Variants in GALNTL6 observed in about 807,000 individuals in gnomAD.
The protein encoded by GALNTL6 is polypeptide N-acetylgalactosaminyltransferase-like 6.
GALNTL6 carries 46 observed loss-of-function variants against 73.7 expected under a neutral mutation model. That is an observed-to-expected ratio of 0.62 (90% CI 0.49 to 0.80). GALNTL6 has a LOEUF of 0.80. GALNTL6 is among the 30% of genes least tolerant of loss of function. GALNTL6 has a pLI of 0.00. For missense variants in GALNTL6, 604 were observed against 755.0 expected, an observed-to-expected ratio of 0.80 and a Z score of 2.34; for synonymous variants, 259 against 263.7, an observed-to-expected ratio of 0.98 and a Z score of 0.17.
intron 4 of GALNTL6, among the ~76,000 whole-genome samples, chr4:172,342,246 T>A (rs1300821269): frequency 6.6e-6 from 1 of 151,868 alleles, no homozygotes; most frequent in African/African-American, 2.4e-5. Flanking sequence ...TAAAATATTA[T>A]AGTATTTATA....
At position 172,080,815 on chromosome 4, in the gene GALNTL6, T is replaced by C. The variant is rs535553679; in HGVS notation, c.139-148841T>C. ...CCAATAAAATATAGTATATAAATTG[T>C]GGTATATAAATTTATATTTAATTTT... On this transcript the variant is annotated intron_variant, in intron 2 of 12. Coordinates refer to ENST00000506823, the MANE Select transcript of GALNTL6 (RefSeq NM_001034845.3). Among the ~76,000 whole-genome samples, 7 of 151,612 alleles carry C rather than the reference T, an allele frequency of 4.6e-5. No individual in the cohort carries two copies. In the East Asian group the frequency reaches 1.4e-3, roughly 29 times the overall value.
chr4:171,904,807 T>C (rs1053819831), intron 2 of GALNTL6, among the ~76,000 whole-genome samples: 5 of 152,138 alleles, frequency 3.3e-5, no homozygotes, highest in Non-Finnish European at 5.9e-5. Context: ...CAGCAGAAAC[T>C]CTACATGCCA....
chr4:172,057,851 A>G (rs1394860), intron 2 of GALNTL6, among the ~76,000 whole-genome samples: 118,693 of 149,638 alleles, frequency 0.79, 47,565 homozygotes, highest in South Asian at 0.86. Flanking sequence ...CCATTGATTA[A>G]TGTGGTGTTT....
intron 5 of GALNTL6, among the ~76,000 whole-genome samples, chr4:172,421,333 A>G (rs1478905574): frequency 6.6e-6 from 1 of 152,146 alleles, no homozygotes; most frequent in Non-Finnish European, 1.5e-5. Context: ...AATATAAAGT[A>G]GGATAGTTCC....
intron 2 of GALNTL6, among the ~76,000 whole-genome samples, chr4:172,079,562 C>A (rs1339593436): frequency 6.6e-6 from 1 of 152,020 alleles, no homozygotes; most frequent in Non-Finnish European, 1.5e-5. Flanking sequence ...TACACTCTTA[C>A]CACAATTTTG....
At chr4:172,775,165 G>C (rs1445213777) in intron 5 of GALNTL6, among the ~76,000 whole-genome samples, 1 of 151,970 alleles carries the variant, frequency 6.6e-6, no homozygotes, top group East Asian at 1.9e-4. Context: ...AATTCAGCAA[G>C]TATAGTTGTA....
At chr4:172,615,582 G>C (rs1406293746) in intron 5 of GALNTL6, among the ~76,000 whole-genome samples, 1 of 152,064 alleles carries the variant, frequency 6.6e-6, no homozygotes, top group Non-Finnish European at 1.5e-5. Context: ...TGAAAGCAAT[G>C]AGCTTCATTC....
At chr4:172,527,661 T>A (rs1735008977) in intron 5 of GALNTL6, among the ~76,000 whole-genome samples, 1 of 152,212 alleles carries the variant, frequency 6.6e-6, no homozygotes, top group Non-Finnish European at 1.5e-5. Context: ...CCTATTGCAG[T>A]GCTTTAGTCT....
chr4:171,846,557 A>G (rs1006960375), intron 2 of GALNTL6, among the ~76,000 whole-genome samples: 1 of 151,936 alleles, frequency 6.6e-6, no homozygotes, highest in African/African-American at 2.4e-5. Flanking sequence ...CACTTCATTT[A>G]TTTACTCTTG....
At chr4:172,640,231 C>T (rs770244009) in intron 5 of GALNTL6, among the ~76,000 whole-genome samples, 1 of 152,120 alleles carries the variant, frequency 6.6e-6, no homozygotes, top group Non-Finnish European at 1.5e-5. Flanking sequence ...GCACTCATCA[C>T]AGCTGAACAT....
intron 2 of GALNTL6, among the ~76,000 whole-genome samples, chr4:172,057,738 A>G (rs926984137): frequency 7.3e-6 from 1 of 137,836 alleles, no homozygotes; most frequent in African/African-American, 2.8e-5. Flanking sequence ...ATATATATAT[A>G]TATATATATA....
chr4:171,853,012 A>ATTTTTTTTTTTTTTTTTTT (rs765984611), intron 2 of GALNTL6, among the ~76,000 whole-genome samples: 2 of 86,834 alleles, frequency 2.3e-5, no homozygotes, highest in African/African-American at 9.3e-5. Flanking sequence ...CGCCCGGCTA[A>ATTTTTTTTTTTTTTTTTTT]TTTTTTTTTT....
chr4:171,978,335 T>C (rs2111075635), intron 2 of GALNTL6, among the ~76,000 whole-genome samples: 1 of 152,296 alleles, frequency 6.6e-6, no homozygotes, highest in South Asian at 2.1e-4. Flanking sequence ...TCTGTGATGT[T>C]CTCATTGGGT....
At chr4:172,825,060 T>C (rs1288831103) in intron 7 of GALNTL6, among the ~76,000 whole-genome samples, 11 of 146,020 alleles carry the variant, frequency 7.5e-5, no homozygotes, top group African/African-American at 2.9e-4. Flanking sequence ...TTTTTTCTTT[T>C]TTTTTTTTTT....
At chr4:172,882,633 C>G (rs1189313286) in intron 7 of GALNTL6, among the ~76,000 whole-genome samples, 157 bp from the exon 8 acceptor site, 1 of 152,168 alleles carries the variant, frequency 6.6e-6, no homozygotes, top group Non-Finnish European at 1.5e-5. Flanking sequence ...GTGAGAGACC[C>G]AATGAGAACC....
At chr4:172,846,769 C>G (rs1282784965) in intron 7 of GALNTL6, among the ~76,000 whole-genome samples, 1 of 152,134 alleles carries the variant, frequency 6.6e-6, no homozygotes, top group Non-Finnish European at 1.5e-5. Context: ...ATGTACACTG[C>G]AGGCACTACT....
rs115088794 is a variant in GALNTL6, at chr4:172,586,064, G to A, written c.554-223297G>A. On this transcript the variant is annotated intron_variant, in intron 5 of 12. Coordinates refer to ENST00000506823, the MANE Select transcript of GALNTL6 (RefSeq NM_001034845.3). ...TAACACTTTTACACTGTTGGTAGGA[G>A]TCTAAATTAGTTCGACCATTGTGAA... Among the ~76,000 whole-genome samples, 653 of 152,286 alleles carry A rather than the reference G, an allele frequency of 4.3e-3. 6 individuals carry two copies. The highest frequency in any genetic ancestry group is 0.015 in the African/African-American group (630 of 41,570).
intron 5 of GALNTL6, among the ~76,000 whole-genome samples, chr4:172,692,960 G>A (rs560449040): frequency 3.3e-5 from 5 of 152,290 alleles, no homozygotes; most frequent in South Asian, 4.1e-4. Flanking sequence ...ACCAGTCTGT[G>A]TACAAGGAGA....
intron 8 of GALNTL6, among the ~76,000 whole-genome samples, chr4:172,918,073 A>G (rs1384118455): frequency 1.3e-5 from 2 of 152,204 alleles, no homozygotes; most frequent in Non-Finnish European, 2.9e-5. Flanking sequence ...GCAGCCATAA[A>G]AAGGATGAGT....
Sources: gnomAD v4.1 joint callset for allele counts (sites outside exome capture counted in the v4.1 genomes callset) on GRCh38, gnomAD v4.1.1 for gene constraint, MANE v1.5 for transcripts, NCBI Gene and HGNC (gene_info 2026-07-23, HGNC 2026-07-21) for gene names.